Variants in LCLAT1 observed in about 807,000 individuals in gnomAD.
LCLAT1 encodes the protein lysocardiolipin acyltransferase 1, also known as 1-AGP acyltransferase 8.
In LCLAT1, 11 loss-of-function variants were observed where a neutral mutation model predicts 30.7. That is an observed-to-expected ratio of 0.36 (90% confidence interval 0.23 to 0.59). LCLAT1 has a LOEUF of 0.59. LCLAT1 is among the 20% of genes least tolerant of loss of function. The probability of loss-of-function intolerance (pLI) is 0.77; values close to 1 mark genes in which losing one functional copy is unlikely to be tolerated. For missense variants in LCLAT1, 402 were observed against 458.6 expected, an observed-to-expected ratio of 0.88 and a Z score of 1.13; for synonymous variants, 155 against 151.3, an observed-to-expected ratio of 1.02 and a Z score of -0.18.
At chr2:30,619,974 T>TGTAA (rs532960070) in intron 5 of LCLAT1, among the ~76,000 whole-genome samples, 392 of 152,352 alleles carry the variant, frequency 2.6e-3, no homozygotes, top group African/African-American at 8.9e-3. Flanking sequence ...CACTCTGTCC[T>TGTAA]GTAAGTTAAA....
intron 1 of LCLAT1, chr2:30,459,797 T>C (rs1305030636): frequency 1.0e-6 from 1 of 960,276 alleles, no homozygotes; most frequent in Non-Finnish European, 1.7e-6. Context: ...GCTTTTTGAA[T>C]TGATCATAGT....
intron 1 of LCLAT1, among the ~76,000 whole-genome samples, chr2:30,473,559 T>C (rs1029080487): frequency 4.6e-5 from 7 of 152,246 alleles, no homozygotes; most frequent in Admixed American, 1.3e-4. Context: ...AAAGACTTTT[T>C]GTGTTGATTT....
chr2:30,600,670 C>T (rs1296011114), intron 5 of LCLAT1, among the ~76,000 whole-genome samples: 4 of 152,122 alleles, frequency 2.6e-5, no homozygotes, highest in African/African-American at 7.2e-5. Flanking sequence ...TGGCCTTCCC[C>T]TTAGTAGGTG....
intron 5 of LCLAT1, among the ~76,000 whole-genome samples, chr2:30,617,065 G>A (rs1435606855): frequency 1.3e-5 from 2 of 152,074 alleles, no homozygotes; most frequent in African/African-American, 4.8e-5. Context: ...GCTGTAAAAT[G>A]TACTCATTTT....
rs114737899 is a variant in LCLAT1 at position 30,575,598 on chromosome 2, T to C, written c.628+7422T>C. Reference sequence around the variant, plus strand: ...GCAGATGCACAGCAGGTAATAACTATCTTAAGACACTCTCTTCTTTTTTTA... The same window carrying C: ...GCAGATGCACAGCAGGTAATAACTACCTTAAGACACTCTCTTCTTTTTTTA... On this transcript the variant is annotated intron_variant, in intron 5 of 5. Transcript: ENST00000379509. Among the ~76,000 whole-genome samples the C allele has an allele frequency of 6.4e-3, 970 of 152,214 alleles. 15 individuals are homozygous for C. Among genetic ancestry groups the C allele is most frequent in the African/African-American group, 0.022 (920 of 41,540 alleles).
chr2:30,580,369 G>A (rs1666161790), intron 5 of LCLAT1, among the ~76,000 whole-genome samples: 1 of 152,108 alleles, frequency 6.6e-6, no homozygotes, highest in Non-Finnish European at 1.5e-5. Context: ...TGGATTTTAG[G>A]TACTAGTAAC....
At chr2:30,615,492 G>A (rs1558558310) in intron 5 of LCLAT1, among the ~76,000 whole-genome samples, 2 of 152,102 alleles carry the variant, frequency 1.3e-5, no homozygotes, top group Non-Finnish European at 2.9e-5. Context: ...GACACAGAAT[G>A]GACTAAGGAA....
chr2:30,614,590 G>A (rs1301255515), intron 5 of LCLAT1, among the ~76,000 whole-genome samples: 2 of 152,116 alleles, frequency 1.3e-5, no homozygotes, highest in Non-Finnish European at 2.9e-5. Flanking sequence ...CAGGTTTTGG[G>A]GGAAAGGCCA....
intron 5 of LCLAT1, chr2:30,607,714 CAGA>C (rs2148500166): frequency 6.6e-6 from 1 of 152,044 alleles, no homozygotes; most frequent in South Asian, 2.1e-4. Context: ...GGAGGTATTC[CAGA>C]AGAAGGCATT....
In LCLAT1 at chr2:30,493,345, T is replaced by A. The variant is rs1683924042; in HGVS notation, c.-4-32242T>A. Among the ~76,000 whole-genome samples the A allele has an allele frequency of 1.3e-5, 2 of 152,210 alleles. 1 individual carries two copies. Among genetic ancestry groups the A allele is most frequent in the African/African-American group, 4.8e-5 (2 of 41,458 alleles). ...TATCAATATAACTTAGTGATGTTTT[T>A]AAAAATAAATTGGCAACTGTTTCAT... On this transcript the variant is annotated intron_variant, in intron 1 of 5. Transcript: ENST00000379509.
Position 30,640,868 on chromosome 2 carries a change from T to A in LCLAT1, c.*249T>A, listed in dbSNP as rs190951529. On this transcript the variant is annotated 3_prime_UTR_variant, in exon 6 of 6. Transcript: ENST00000379509. ...GGTGAAATAACTTGGGCCAGAATAT[T>A]ATTAAACAATCATCAGGCTTTTAGC... 2 of 404,572 alleles carry A rather than the reference T, an allele frequency of 4.9e-6. No individual in the cohort carries two copies. The highest frequency in any genetic ancestry group is 4.2e-5 in the African/African-American group (2 of 47,770). The allele number at this position is 404,572 out of a possible 1,614,324, so 25.1% of individuals were successfully genotyped here. A position where few individuals can be genotyped will look rare whatever the true frequency, so the allele number is the denominator to read the frequency against.
intron 5 of LCLAT1, among the ~76,000 whole-genome samples, chr2:30,612,491 T>C (rs893712946): frequency 3.3e-5 from 5 of 152,186 alleles, no homozygotes; most frequent in Non-Finnish European, 7.3e-5. Context: ...ACCACATACA[T>C]GTGACCTTGA....
chr2:30,494,879 A>T (rs1200537645), intron 1 of LCLAT1, among the ~76,000 whole-genome samples: 17 of 149,456 alleles, frequency 1.1e-4, no homozygotes. Context: ...GGGTGGAGGG[A>T]AGTATAGTAA....
chr2:30,541,575 C>G (rs889860845), intron 3 of LCLAT1, among the ~76,000 whole-genome samples: 1 of 152,096 alleles, frequency 6.6e-6, no homozygotes, highest in Non-Finnish European at 1.5e-5. Context: ...AGGGTCTGTT[C>G]CCAGACTTTC....
intron 5 of LCLAT1, among the ~76,000 whole-genome samples, chr2:30,614,834 A>G (rs2148509453): frequency 6.6e-6 from 1 of 152,250 alleles, no homozygotes; most frequent in East Asian, 1.9e-4. Flanking sequence ...GCAGTACAAT[A>G]TTAGGGATCG....
intron 1 of LCLAT1, among the ~76,000 whole-genome samples, chr2:30,515,551 T>A (rs548235792): frequency 6.6e-6 from 1 of 152,344 alleles, no homozygotes; most frequent in Non-Finnish European, 1.5e-5. Flanking sequence ...AAGATTGTTG[T>A]TAATTCGCTG....
At chr2:30,552,122 G>A (rs10203381) in intron 3 of LCLAT1, among the ~76,000 whole-genome samples, 36,516 of 152,072 alleles carry the variant, frequency 0.24, 4,899 homozygotes, top group Non-Finnish European at 0.3. Flanking sequence ...TGCAAAGCTA[G>A]GAATGTACTT....
chr2:30,613,042 G>A (rs2148507193), intron 5 of LCLAT1, among the ~76,000 whole-genome samples: 1 of 152,274 alleles, frequency 6.6e-6, no homozygotes, highest in Non-Finnish European at 1.5e-5. Context: ...AGGAATTTGG[G>A]GGAAGAGGAT....
chr2:30,563,479 G>A (rs375401409), intron 4 of LCLAT1, among the ~76,000 whole-genome samples: 3 of 152,172 alleles, frequency 2.0e-5, no homozygotes, highest in Admixed American at 1.3e-4. Context: ...AGACTAAAAT[G>A]TACCTTTGAT....
Sources: gnomAD v4.1 joint callset for allele counts (sites outside exome capture counted in the v4.1 genomes callset) on GRCh38, gnomAD v4.1.1 for gene constraint, MANE v1.5 for transcripts, NCBI Gene and HGNC (gene_info 2026-07-23, HGNC 2026-07-21) for gene names.